The following ABI3BP variants were observed in gnomAD, a reference collection of about 807,000 sequenced individuals.
ABI3BP encodes ABI family member 3 binding protein.
Under a neutral mutation model 268.6 loss-of-function variants are expected in ABI3BP, and 216 were observed. The observed-to-expected ratio is 0.80, with a 90% confidence interval of 0.72 to 0.90. The LOEUF is 0.90. Ranked by LOEUF, ABI3BP falls within the 40% of genes least tolerant of loss-of-function variation. The pLI is 0.00. For synonymous variants in ABI3BP, 730 were observed against 730.0 expected (o/e 1.00, Z 0.00); for missense variants, 2,090 against 2,182.4 (o/e 0.96, Z 0.84).
chr3:100,990,886 T>C (rs1013868029), intron 1 of ABI3BP, among the ~76,000 whole-genome samples: 35 of 152,158 alleles, frequency 2.3e-4, no homozygotes, highest in Admixed American at 2.6e-4. Context: ...TCTTCATTTG[T>C]AAAATAAATG....
chr3:100,754,499 A>G, intron 64 of ABI3BP, 113 bp downstream of exon 64: 4 of 1,065,580 alleles, frequency 3.8e-6, no homozygotes, highest in Non-Finnish European at 5.5e-6. Context: ...ATGGGTTTTT[A>G]GAAATTCAAG....
At chr3:100,932,946 C>T (rs909027377) in intron 1 of ABI3BP, among the ~76,000 whole-genome samples, 1 of 151,936 alleles carries the variant, frequency 6.6e-6, no homozygotes, top group African/African-American at 2.4e-5. Context: ...GACATCCAGT[C>T]ACTTATGGGA....
At chr3:100,949,072 G>A (rs1425235752) in intron 1 of ABI3BP, among the ~76,000 whole-genome samples, 2 of 152,008 alleles carry the variant, frequency 1.3e-5, no homozygotes, top group Non-Finnish European at 2.9e-5. Flanking sequence ...TACTCCAAGT[G>A]CTGTTCCATA....
At chr3:100,985,266 C>T (rs910211046) in intron 1 of ABI3BP, among the ~76,000 whole-genome samples, 1 of 150,674 alleles carries the variant, frequency 6.6e-6, no homozygotes, top group African/African-American at 2.4e-5. Context: ...TCTCCTGCCT[C>T]AGCCTCCCGA....
chr3:100,832,208 C>T, intron 31 of ABI3BP, 56 bp downstream of exon 31: 1 of 1,470,198 alleles, frequency 6.8e-7, no homozygotes, highest in Non-Finnish European at 9.2e-7. Context: ...ATAGAACTTA[C>T]AGTCCCAACC....
rs2097882835 is a variant in ABI3BP at position 100,812,354 on chromosome 3, T to C, written c.3421+113A>G. On this transcript the variant is annotated intron_variant, in intron 46 of 67. Transcript: ENST00000471714. ...ACCCACTGGATGAGCACAGACAAGC[T>C]GTGAGGAGCAAGTGGCTATGAAATG... The C allele has an allele frequency of 5.0e-6, 3 of 602,754 alleles. No individual in the cohort carries two copies. In the South Asian group the frequency reaches 2.1e-4, roughly 42 times the overall value. The allele number at this position is 602,754 out of a possible 1,614,324, so 37.3% of individuals were successfully genotyped here. A position where few individuals can be genotyped will look rare whatever the true frequency, so the allele number is the denominator to read the frequency against.
At chr3:100,806,188 G>A (rs1489766516) in intron 50 of ABI3BP, among the ~76,000 whole-genome samples, 2 of 152,008 alleles carry the variant, frequency 1.3e-5, no homozygotes, top group Admixed American at 1.3e-4. Flanking sequence ...AACAATAAAA[G>A]TTACATGCCA....
intron 58 of ABI3BP, 38 bp downstream of exon 58, chr3:100,780,094 A>G: frequency 6.3e-7 from 1 of 1,598,402 alleles, no homozygotes; most frequent in Non-Finnish European, 8.6e-7. Context: ...CAAGTTTCAG[A>G]GCTGAGCTGT....
chr3:100,981,905 A>G (rs2089676588), intron 1 of ABI3BP, among the ~76,000 whole-genome samples: 1 of 152,172 alleles, frequency 6.6e-6, no homozygotes, highest in African/African-American at 2.4e-5. Context: ...AGATCTTTCC[A>G]TCACTGCCAA....
rs765339422 is a variant in ABI3BP, at chr3:100,804,850, C to T, written c.3699G>A (p.Gln1233=). 3.1e-6 allele frequency: 5 copies of T among 1,612,984 alleles called. No individual in the cohort carries two copies. In the South Asian group the frequency reaches 5.5e-5, roughly 18 times the overall value. The change falls in exon 51 of 68, where the codon CAG becomes CAA. Residue 1233 remains glutamine (Q), a synonymous_variant. Transcript: ENST00000471714. The part of the protein sequence containing the change: ...PQTQPVPKVP[Q]RVTAKPKTSP... ...ACGTTTTTGGTTTTGCAGTAACACG[C>T]TGGGGCACCTTAGGAACTGAAAGAG...
rs574365174 is a variant in ABI3BP, at chr3:100,917,030, G to A, written c.259+9272C>T. On this transcript the variant is annotated intron_variant, in intron 2 of 67. Coordinates refer to ENST00000471714, the MANE Select transcript of ABI3BP (RefSeq NM_001375547.2). ...GGGTATATAGTTACTTTACTAATAG[G>A]GTAGAGTCAACCCTTTACCCCAGTT... 1.3e-4 allele frequency among the ~76,000 whole-genome samples: 20 copies of A among 152,214 alleles called. No individual in the cohort carries two copies. In the South Asian group the frequency reaches 3.9e-3, roughly 30 times the overall value.
chr3:100,873,842 G>T (rs1423387606), intron 9 of ABI3BP, among the ~76,000 whole-genome samples: 1 of 152,204 alleles, frequency 6.6e-6, no homozygotes, highest in South Asian at 2.1e-4. Context: ...TTTGACATAG[G>T]GTAATGCATA....
chr3:100,992,633 C>G (rs1350917636), intron 1 of ABI3BP, among the ~76,000 whole-genome samples: 1 of 152,172 alleles, frequency 6.6e-6, no homozygotes, highest in African/African-American at 2.4e-5. Context: ...TTCTGATGGG[C>G]TCAAAGGGTT....
chr3:100,810,232 T>C (rs2097823139), intron 49 of ABI3BP, among the ~76,000 whole-genome samples, 180 bp downstream of exon 49: 1 of 152,044 alleles, frequency 6.6e-6, no homozygotes, highest in South Asian at 2.1e-4. Flanking sequence ...AACCATATCC[T>C]AAAGAACAAC....
At chr3:100,914,269 T>A (rs560953466) in intron 2 of ABI3BP, among the ~76,000 whole-genome samples, 13 of 152,334 alleles carry the variant, frequency 8.5e-5, no homozygotes, top group Admixed American at 2.0e-4. Context: ...CCTTTAAACA[T>A]TACAAGATCT....
At chr3:100,942,374 T>C (rs2069769138) in intron 1 of ABI3BP, among the ~76,000 whole-genome samples, 1 of 152,126 alleles carries the variant, frequency 6.6e-6, no homozygotes, top group Non-Finnish European at 1.5e-5. Flanking sequence ...CCCATGAGGA[T>C]AGATATACCA....
chr3:100,769,675 A>C (rs2096478676), intron 62 of ABI3BP, among the ~76,000 whole-genome samples: 1 of 152,198 alleles, frequency 6.6e-6, no homozygotes, highest in Admixed American at 6.5e-5. Flanking sequence ...GGATGTAGAT[A>C]ATCAGTACTG....
rs1007075478 is a variant in ABI3BP at position 100,898,753 on chromosome 3, T to C, written c.461+9A>G. ...TACAGATGCTATTAAAAGCAAATGC[T>C]AATATTACCTGTCATTGGGACAGTG... On this transcript the variant is annotated intron_variant, in intron 4 of 67. Transcript: ENST00000471714. The C allele has an allele frequency of 6.2e-7, 1 of 1,612,260 alleles. No individual in the cohort carries two copies. The highest frequency in any genetic ancestry group is 8.5e-7 in the Non-Finnish European group (1 of 1,179,030).
At chr3:100,915,361 A>G (rs1457554814) in intron 2 of ABI3BP, among the ~76,000 whole-genome samples, 2 of 152,092 alleles carry the variant, frequency 1.3e-5, no homozygotes, top group African/African-American at 4.8e-5. Flanking sequence ...ACTTGCCCCA[A>G]CCAAATGCCC....
Sources: gnomAD v4.1 joint callset for allele counts (sites outside exome capture counted in the v4.1 genomes callset) on GRCh38, gnomAD v4.1.1 for gene constraint, MANE v1.5 for transcripts, NCBI Gene and HGNC (gene_info 2026-07-23, HGNC 2026-07-21) for gene names.